BLM: variants seen among roughly 807,000 people sequenced by gnomAD.
BLM encodes the protein BLM RecQ like helicase, also known as recQ-like DNA helicase BLM.
Under a neutral mutation model 135.3 loss-of-function variants are expected in BLM, and 95 were observed. The ratio of observed to expected loss-of-function variants is 0.70; its 90% CI spans 0.59 to 0.83. The LOEUF (loss-of-function observed/expected upper bound fraction) is 0.83. Ranked by LOEUF, BLM falls within the 40% of genes least tolerant of loss-of-function variation. The probability of loss-of-function intolerance (pLI) is 0.00; values close to 1 mark genes in which losing one functional copy is unlikely to be tolerated. For missense variants in BLM, 1,518 were observed against 1,663.9 expected (o/e 0.91, Z 1.53); for synonymous variants, 520 against 589.2 (o/e 0.88, Z 1.70).
At chr15:90,800,150 G>A (rs1317969503) in intron 17 of BLM, among the ~76,000 whole-genome samples, 1 of 152,152 alleles carries the variant, frequency 6.6e-6, no homozygotes, top group Admixed American at 6.5e-5. Flanking sequence ...TAATTTTTAT[G>A]CCACAGTGGC....
chr15:90,759,680 C>G (rs1232328149), intron 5 of BLM, among the ~76,000 whole-genome samples: 1 of 151,916 alleles, frequency 6.6e-6, no homozygotes, highest in African/African-American at 2.4e-5. Context: ...GATCTCAGCT[C>G]ACTGCAACCT....
At chr15:90,774,478 G>C (rs904609155) in intron 12 of BLM, among the ~76,000 whole-genome samples, 2 of 151,990 alleles carry the variant, frequency 1.3e-5, no homozygotes, top group Admixed American at 6.6e-5. Context: ...ATATGAAGTG[G>C]TAGGTGAACG....
At chr15:90,751,758 A>G (rs762578852) in intron 3 of BLM, 29 bp from the exon 4 acceptor site, 106 of 1,593,596 alleles carry the variant, frequency 6.7e-5, no homozygotes, top group Non-Finnish European at 8.8e-5. Flanking sequence ...TGGTTAACAA[A>G]TCTATGTTTA....
intron 1 of BLM, among the ~76,000 whole-genome samples, chr15:90,728,039 T>C (rs1461565238): frequency 6.6e-6 from 1 of 152,100 alleles, no homozygotes; most frequent in South Asian, 2.1e-4. Flanking sequence ...CGACTTTCAA[T>C]TTTCTTTTCT....
chr15:90,791,391 G>A (rs776851207), intron 15 of BLM, among the ~76,000 whole-genome samples: 1 of 151,856 alleles, frequency 6.6e-6, no homozygotes, highest in African/African-American at 2.4e-5. Context: ...ATGTAAATGG[G>A]ATTATATTAT....
intron 14 of BLM, among the ~76,000 whole-genome samples, chr15:90,788,021 T>C (rs553891412): frequency 1.3e-5 from 2 of 151,562 alleles, no homozygotes; most frequent in East Asian, 1.9e-4. Context: ...GAATTATATA[T>C]TAAGACACAA....
chr15:90,739,928 T>C (rs1291969809), intron 1 of BLM, among the ~76,000 whole-genome samples: 1 of 152,032 alleles, frequency 6.6e-6, no homozygotes, highest in Non-Finnish European at 1.5e-5. Context: ...CATTCCTGGC[T>C]AATCTTTTGT....
chr15:90,764,775 A>G (rs1193861872), intron 8 of BLM, among the ~76,000 whole-genome samples: 1 of 152,176 alleles, frequency 6.6e-6, no homozygotes, highest in Admixed American at 6.6e-5. Flanking sequence ...CTTTGCTATT[A>G]TATATGTCTA....
intron 12 of BLM, among the ~76,000 whole-genome samples, chr15:90,774,367 C>T (rs1204390772): frequency 3.3e-5 from 5 of 151,596 alleles, no homozygotes; most frequent in Non-Finnish European, 5.9e-5. Context: ...CCACTGCACC[C>T]GACCGCCTCC....
At chr15:90,765,519 C>G (rs1388757062) in intron 9 of BLM, 105 bp downstream of exon 9, 2 of 938,948 alleles carry the variant, frequency 2.1e-6, no homozygotes, top group African/African-American at 1.6e-5. Flanking sequence ...AAAAATAAAG[C>G]ACAGCAGTTA....
intron 1 of BLM, among the ~76,000 whole-genome samples, chr15:90,735,460 C>T (rs1455161719): frequency 6.6e-6 from 1 of 151,560 alleles, no homozygotes; most frequent in Non-Finnish European, 1.5e-5. Flanking sequence ...TGTTGCAAAG[C>T]TTCTATCATG....
chr15:90,765,512 A>T, intron 9 of BLM, 98 bp downstream of exon 9: 2 of 990,244 alleles, frequency 2.0e-6, no homozygotes, highest in Non-Finnish European at 3.1e-6. Context: ...ATTTGTAAAA[A>T]ATAAAGCACA....
At chr15:90,718,821 T>A (rs2151123483) in intron 1 of BLM, among the ~76,000 whole-genome samples, 1 of 152,226 alleles carries the variant, frequency 6.6e-6, no homozygotes, top group African/African-American at 2.4e-5. Flanking sequence ...CAGTAGAACA[T>A]CATCATGCTG....
At chr15:90,739,093 C>T (rs1895296887) in intron 1 of BLM, among the ~76,000 whole-genome samples, 1 of 152,072 alleles carries the variant, frequency 6.6e-6, no homozygotes, top group South Asian at 2.1e-4. Context: ...AGATATTATT[C>T]AGCCTTAAAA....
At chr15:90,800,993 A>T (rs1897151766) in intron 17 of BLM, among the ~76,000 whole-genome samples, 1 of 152,026 alleles carries the variant, frequency 6.6e-6, no homozygotes, top group Admixed American at 6.6e-5. Context: ...ACAAAAAAAT[A>T]CAAAAATTAG....
chr15:90,762,965 G>A lies in BLM; in HGVS notation c.1883-1G>A, dbSNP rs772230310. ...TTTCTTAACGTTGATTATTTTCCTAGACAAGTCAGCACAAAATTTAGCATC... is the reference window on the plus strand; with the variant it reads ...TTTCTTAACGTTGATTATTTTCCTAAACAAGTCAGCACAAAATTTAGCATC... On this transcript the variant is annotated splice_acceptor_variant, in intron 7 of 21. Transcript: ENST00000355112. LOFTEE classifies it high-confidence loss of function. 2.5e-6 allele frequency: 4 copies of A among 1,613,122 alleles called. No homozygotes were observed. The South Asian group carries it at 3.3e-5, about 13-fold the overall frequency.
chr15:90,757,299 C>G (rs902067008), intron 5 of BLM, among the ~76,000 whole-genome samples: 2 of 152,132 alleles, frequency 1.3e-5, no homozygotes, highest in Non-Finnish European at 2.9e-5. Flanking sequence ...GCCTCACACA[C>G]GTGTCAGTGA....
At chr15:90,770,177 C>CCTTTT (rs1555420977) in intron 12 of BLM, among the ~76,000 whole-genome samples, 1 of 128,214 alleles carries the variant, frequency 7.8e-6, no homozygotes, top group Non-Finnish European at 1.6e-5. Flanking sequence ...TCCCCCCCCC[C>CCTTTT]TTTTTTTTTT....
intron 1 of BLM, among the ~76,000 whole-genome samples, chr15:90,727,752 G>GT (rs1001039643): frequency 7.3e-5 from 11 of 150,702 alleles, no homozygotes; most frequent in South Asian, 2.1e-4. Flanking sequence ...TACCTGATGT[G>GT]TTTTTTTTTC....
Sources: allele counts gnomAD v4.1 joint callset (sites outside exome capture counted in the v4.1 genomes callset), GRCh38; gene constraint gnomAD v4.1.1; transcripts MANE v1.5; gene names NCBI Gene and HGNC (gene_info 2026-07-23, HGNC 2026-07-21).